The following KLF12 variants were observed in gnomAD, a reference collection of about 807,000 sequenced individuals.
The protein encoded by KLF12 is KLF transcription factor 12.
A neutral mutation model predicts 37.8 loss-of-function variants in KLF12; 9 were observed. The observed-to-expected ratio is 0.24, with a 90% CI of 0.14 to 0.42. The LOEUF is 0.42. KLF12 is among the 10% of genes least tolerant of loss of function. The probability of loss-of-function intolerance (pLI) is 1.00; values close to 1 mark genes in which losing one functional copy is unlikely to be tolerated. For synonymous variants in KLF12, 208 were observed against 202.1 expected, an observed-to-expected ratio of 1.03 and a Z score of -0.25; for missense variants, 411 against 516.0, an observed-to-expected ratio of 0.80 and a Z score of 1.97.
chr13:74,159,694 A>AT, the KLF12 span, among the ~76,000 whole-genome samples: 14 of 151,654 alleles, frequency 9.2e-5, no homozygotes, highest in South Asian at 8.3e-4. Context: ...CTGCTCTAAA[A>AT]TTTTTTTTTC....
chr13:74,220,150 T>C, the KLF12 span, among the ~76,000 whole-genome samples: 1 of 152,208 alleles, frequency 6.6e-6, no homozygotes, highest in Admixed American at 6.5e-5. Flanking sequence ...GTGAAACTTA[T>C]ATGCTAGCAA....
intron 4 of KLF12, among the ~76,000 whole-genome samples, chr13:73,816,198 G>T (rs1191512905): frequency 6.6e-6 from 1 of 152,114 alleles, no homozygotes; most frequent in African/African-American, 2.4e-5. Context: ...GTAGAATAGG[G>T]ACATCAACCC....
chr13:74,178,298 C>T, the KLF12 span, among the ~76,000 whole-genome samples: 55 of 152,232 alleles, frequency 3.6e-4, no homozygotes, highest in East Asian at 1.9e-3. Flanking sequence ...TGTCCCCTGA[C>T]GCAAAAATGA....
chr13:73,764,765 G>A (rs1304512273), intron 6 of KLF12, among the ~76,000 whole-genome samples, 173 bp downstream of exon 6: 1 of 152,118 alleles, frequency 6.6e-6, no homozygotes, highest in African/African-American at 2.4e-5. Flanking sequence ...GGCTGGAAAG[G>A]AACTCTATCA....
At chr13:74,201,699 T>G in the KLF12 span, among the ~76,000 whole-genome samples, 3 of 152,024 alleles carry the variant, frequency 2.0e-5, no homozygotes, top group Admixed American at 6.6e-5. Flanking sequence ...GACCCAGGAG[T>G]TGGGAAATCC....
At chr13:73,973,309 A>C (rs1891397520) in intron 2 of KLF12, among the ~76,000 whole-genome samples, 1 of 152,208 alleles carries the variant, frequency 6.6e-6, no homozygotes, top group Admixed American at 6.5e-5. Flanking sequence ...AAATGCCACC[A>C]ATCTCCCTTA....
At chr13:73,792,189 C>T (rs1275208081) in intron 5 of KLF12, among the ~76,000 whole-genome samples, 3 of 152,102 alleles carry the variant, frequency 2.0e-5, no homozygotes, top group Non-Finnish European at 4.4e-5. Flanking sequence ...TCCTAACCCA[C>T]CAATGTATAC....
intron 6 of KLF12, among the ~76,000 whole-genome samples, chr13:73,757,916 A>C (rs7336405): frequency 0.46 from 69,855 of 152,004 alleles, 17,051 homozygotes; most frequent in African/African-American, 0.62. Context: ...TGATATGTTA[A>C]TTAAACATGG....
rs71115629 is a variant in KLF12 at position 73,979,354 on chromosome 13, AACACACACAC to A, written c.33+15626_33+15635del. Among the ~76,000 whole-genome samples, 696 of 139,706 alleles carry A rather than the reference AACACACACAC, an allele frequency of 5.0e-3. 6 individuals are homozygous for A. The highest frequency in any genetic ancestry group is 6.2e-3 in the Non-Finnish European group (403 of 64,876). The allele number at this position is 139,706 out of a possible 152,430, so 91.7% of individuals were successfully genotyped here. On this transcript the variant is annotated intron_variant, in intron 2 of 7. Transcript: ENST00000377669. ...TTCTTTTAAAAACAGTCTGCTTTTAAACACACACACACACACACACACACACACACACACA... is the reference window on the plus strand; with the variant it reads ...TTCTTTTAAAAACAGTCTGCTTTTAAACACACACACACACACACACACACA...
intron 4 of KLF12, among the ~76,000 whole-genome samples, chr13:73,826,164 G>A (rs555464070): frequency 2.0e-4 from 31 of 151,776 alleles, no homozygotes; most frequent in African/African-American, 6.3e-4. Context: ...TAGTAGAGAC[G>A]GGGTTTCACC....
intron 6 of KLF12, among the ~76,000 whole-genome samples, chr13:73,724,028 T>C (rs1489754786): frequency 2.6e-5 from 4 of 152,176 alleles, no homozygotes; most frequent in African/African-American, 9.7e-5. Context: ...GACCCAGCAA[T>C]ACCATTTCTG....
At chr13:74,001,023 A>G (rs1892267415) in intron 1 of KLF12, among the ~76,000 whole-genome samples, 1 of 152,214 alleles carries the variant, frequency 6.6e-6, no homozygotes, top group Admixed American at 6.5e-5. Flanking sequence ...TGTGATTTAA[A>G]TTGTAACAAA....
intron 1 of KLF12, among the ~76,000 whole-genome samples, chr13:74,057,427 T>G (rs1466507482): frequency 6.6e-6 from 1 of 152,194 alleles, no homozygotes; most frequent in Non-Finnish European, 1.5e-5. Flanking sequence ...AAGAACAGGT[T>G]ACAGCATGTA....
the KLF12 span, among the ~76,000 whole-genome samples, chr13:74,225,763 A>G: frequency 1.1e-4 from 17 of 152,304 alleles, no homozygotes; most frequent in Admixed American, 1.0e-3. Flanking sequence ...ATAGGGAGAA[A>G]GTAATTTTGT....
the KLF12 span, among the ~76,000 whole-genome samples, chr13:74,246,036 C>T: frequency 6.6e-6 from 1 of 152,218 alleles, no homozygotes; most frequent in Non-Finnish European, 1.5e-5. Context: ...CTCAAGCCCT[C>T]TTCAATGTCA....
chr13:74,234,847 C>A, the KLF12 span, among the ~76,000 whole-genome samples: 1 of 151,902 alleles, frequency 6.6e-6, no homozygotes, highest in East Asian at 1.9e-4. Context: ...ATGGAAAGGT[C>A]TTTTTCTTTT....
chr13:74,153,909 A>G, the KLF12 span, among the ~76,000 whole-genome samples: 7 of 152,230 alleles, frequency 4.6e-5, no homozygotes, highest in South Asian at 4.1e-4. Context: ...TAGATTGGAT[A>G]TGAACCCCCC....
At chr13:74,062,870 T>G (rs185043867) in intron 1 of KLF12, among the ~76,000 whole-genome samples, 180 of 152,328 alleles carry the variant, frequency 1.2e-3, no homozygotes, top group African/African-American at 4.2e-3. Flanking sequence ...CCTATTTTGT[T>G]GGATGGTTGG....
At chr13:74,013,592 C>T (rs1892605672) in intron 1 of KLF12, among the ~76,000 whole-genome samples, 1 of 152,134 alleles carries the variant, frequency 6.6e-6, no homozygotes, top group Non-Finnish European at 1.5e-5. Context: ...ACCATTCTTT[C>T]CTTCAGATTC....
Sources: gnomAD v4.1 joint callset for allele counts (sites outside exome capture counted in the v4.1 genomes callset) on GRCh38, gnomAD v4.1.1 for gene constraint, MANE v1.5 for transcripts, NCBI Gene and HGNC (gene_info 2026-07-23, HGNC 2026-07-21) for gene names.